NTM: variants seen among roughly 807,000 people sequenced by gnomAD.
NTM encodes neurotrimin, also known as IgLON family member 2.
In NTM, 13 loss-of-function variants were observed where a neutral mutation model predicts 42.1. That is an observed-to-expected ratio of 0.31 (90% CI 0.20 to 0.49). NTM has a LOEUF of 0.49. Ranked by LOEUF, NTM falls within the 20% of genes least tolerant of loss-of-function variation. The pLI is 0.99. For synonymous variants in NTM, 187 were observed against 179.2 expected, an observed-to-expected ratio of 1.04 and a Z score of -0.35; for missense variants, 373 against 452.8, an observed-to-expected ratio of 0.82 and a Z score of 1.60.
At chr11:132,139,623 A>C (rs547028733) in intron 2 of NTM, among the ~76,000 whole-genome samples, 1 of 152,332 alleles carries the variant, frequency 6.6e-6, no homozygotes, top group Non-Finnish European at 1.5e-5. Context: ...ACATTACAGA[A>C]GTGGAGGGGG....
At chr11:131,938,199 C>T (rs1340723916) in intron 2 of NTM, among the ~76,000 whole-genome samples, 2 of 152,028 alleles carry the variant, frequency 1.3e-5, no homozygotes, top group Non-Finnish European at 2.9e-5. Context: ...AAGCTTTTGA[C>T]GACAAGGGTG....
At chr11:131,403,122 C>G (rs1038806116) in intron 1 of NTM, among the ~76,000 whole-genome samples, 2 of 152,236 alleles carry the variant, frequency 1.3e-5, no homozygotes, top group Non-Finnish European at 2.9e-5. Context: ...TGAATTGTCA[C>G]TGTTCCCTGA....
chr11:132,024,230 G>A (rs1020388443), intron 2 of NTM, among the ~76,000 whole-genome samples: 3 of 152,028 alleles, frequency 2.0e-5, no homozygotes, highest in Admixed American at 6.5e-5. Flanking sequence ...CATCCAGGCT[G>A]TGCCTTTACC....
intron 1 of NTM, among the ~76,000 whole-genome samples, chr11:131,500,573 ATATATTTTTT>A (rs1283542038): frequency 0.01 from 411 of 39,750 alleles, 7 homozygotes; most frequent in African/African-American, 0.028. Flanking sequence ...ATATATATAT[ATATATTTTTT>A]TTTTTTTTTT....
chr11:131,642,903 C>G (rs183077305), intron 1 of NTM, among the ~76,000 whole-genome samples: 1 of 152,152 alleles, frequency 6.6e-6, no homozygotes, highest in Non-Finnish European at 1.5e-5. Flanking sequence ...GTACCCAAAA[C>G]GTGAAGCCTT....
chr11:132,200,852 T>G (rs2081054057), intron 3 of NTM, among the ~76,000 whole-genome samples: 1 of 152,192 alleles, frequency 6.6e-6, no homozygotes, highest in Admixed American at 6.5e-5. Flanking sequence ...AGGAGAACAT[T>G]AGCAGAATCA....
intron 1 of NTM, among the ~76,000 whole-genome samples, chr11:131,525,603 G>A (rs775333318): frequency 9.2e-5 from 14 of 152,132 alleles, no homozygotes; most frequent in Admixed American, 2.6e-4. Context: ...GTAAGGTGGC[G>A]CTCTCTTCAC....
chr11:131,537,227 A>G (rs2052400106), intron 1 of NTM: 1 of 152,120 alleles, frequency 6.6e-6, no homozygotes, highest in Non-Finnish European at 1.5e-5. Context: ...TGTGTGAAAC[A>G]TGGGAAATTG....
At chr11:131,749,406 A>T (rs1482746965) in intron 1 of NTM, among the ~76,000 whole-genome samples, 8 of 152,246 alleles carry the variant, frequency 5.3e-5, no homozygotes, top group Non-Finnish European at 1.0e-4. Context: ...CAGAGTGAGC[A>T]TCTAAAAATG....
chr11:131,772,419 G>A (rs1201165127), intron 1 of NTM, among the ~76,000 whole-genome samples: 2 of 152,176 alleles, frequency 1.3e-5, no homozygotes, highest in Non-Finnish European at 2.9e-5. Flanking sequence ...TCCTGGGTGG[G>A]CCTGACCTAA....
chr11:132,205,602 C>G (rs1014149612), intron 3 of NTM, among the ~76,000 whole-genome samples: 5 of 152,080 alleles, frequency 3.3e-5, no homozygotes, highest in African/African-American at 1.2e-4. Flanking sequence ...CTTGGTCTTT[C>G]GGTTTCTATA....
chr11:132,168,965 C>A lies in NTM; in HGVS notation c.400+22451C>A, dbSNP rs557232949. Among the ~76,000 whole-genome samples the A allele has an allele frequency of 2.0e-5, 3 of 152,208 alleles. No homozygotes were observed. In the South Asian group the frequency reaches 6.2e-4, roughly 32 times the overall value. On this transcript the variant is annotated intron_variant, in intron 3 of 8. Coordinates refer to ENST00000683400, the MANE Select transcript of NTM (RefSeq NM_001352005.2). ...GCAAGGAAGGACTTTTAGATTCCCA[C>A]CACCAAAACTATCGAGTAGGCAAAT...
chr11:132,314,070 A>AATT (rs2095357714), intron 6 of NTM, among the ~76,000 whole-genome samples: 1 of 151,902 alleles, frequency 6.6e-6, no homozygotes, highest in South Asian at 2.1e-4. Flanking sequence ...CTTCAGGAGA[A>AATT]ATTAGATTAC....
intron 1 of NTM, among the ~76,000 whole-genome samples, chr11:131,670,803 A>G (rs1373616301): frequency 6.6e-6 from 1 of 152,198 alleles, no homozygotes; most frequent in Non-Finnish European, 1.5e-5. Flanking sequence ...GATCTAGGCT[A>G]AAACCACCTC....
chr11:131,402,664 C>A (rs531516348), intron 1 of NTM, among the ~76,000 whole-genome samples: 1 of 152,274 alleles, frequency 6.6e-6, no homozygotes, highest in African/African-American at 2.4e-5. Context: ...CATAAGCCTG[C>A]AAGAGAATGC....
At chr11:131,372,047 G>A (rs773682624) in intron 1 of NTM, among the ~76,000 whole-genome samples, 2 of 152,192 alleles carry the variant, frequency 1.3e-5, no homozygotes, top group African/African-American at 4.8e-5. Flanking sequence ...GATCTGGACT[G>A]AGTCCTGAGC....
intron 1 of NTM, among the ~76,000 whole-genome samples, chr11:131,527,304 G>A (rs978825944): frequency 6.6e-6 from 1 of 152,072 alleles, no homozygotes; most frequent in Non-Finnish European, 1.5e-5. Flanking sequence ...CCACCCCTGG[G>A]GGCTGGATTT....
At position 132,070,334 on chromosome 11, in the gene NTM, C is replaced by T. The variant is rs762094640; in HGVS notation, c.168-75948C>T. Among the ~76,000 whole-genome samples, 8 of 144,264 alleles carry T rather than the reference C, an allele frequency of 5.5e-5. 1 individual carries two copies. Among genetic ancestry groups the T allele is most frequent in the Admixed American group, 1.4e-4 (2 of 14,494 alleles). The allele number at this position is 144,264 out of a possible 152,430, so 94.6% of individuals were successfully genotyped here. ...ACTGACGATCACAGGTTAGTTTACA[C>T]GTCACACAGCCAAAACACGTCAAAC... On this transcript the variant is annotated intron_variant, in intron 2 of 8. Coordinates refer to ENST00000683400, the MANE Select transcript of NTM (RefSeq NM_001352005.2).
At chr11:132,298,779 T>C (rs746299440) in intron 4 of NTM, among the ~76,000 whole-genome samples, 2 of 152,212 alleles carry the variant, frequency 1.3e-5, no homozygotes, top group Non-Finnish European at 2.9e-5. Context: ...TGCGTAGCTA[T>C]GCATATTCAA....
Sources: gnomAD v4.1 joint callset for allele counts (sites outside exome capture counted in the v4.1 genomes callset) on GRCh38, gnomAD v4.1.1 for gene constraint, MANE v1.5 for transcripts, NCBI Gene and HGNC (gene_info 2026-07-23, HGNC 2026-07-21) for gene names.